Variants in DNAH5 observed in about 807,000 individuals in gnomAD.
DNAH5 encodes dynein axonemal heavy chain 5.
In DNAH5, 372 loss-of-function variants were observed where a neutral mutation model predicts 518.2. The ratio of observed to expected loss-of-function variants is 0.72; its 90% CI spans 0.66 to 0.78. The LOEUF (loss-of-function observed/expected upper bound fraction) is 0.78. Among genes scored for constraint, DNAH5 ranks in the 30% least tolerant of loss-of-function variants. The pLI, the probability that DNAH5 is intolerant of heterozygous loss-of-function variation, is 0.00. For synonymous variants in DNAH5, 2,039 were observed against 2,025.9 expected (o/e 1.01, Z -0.17); for missense variants, 5,523 against 5,687.0 (o/e 0.97, Z 0.93).
At chr5:14,010,176 A>G (rs1209270537) in intron 1 of DNAH5, among the ~76,000 whole-genome samples, 1 of 152,144 alleles carries the variant, frequency 6.6e-6, no homozygotes, top group Non-Finnish European at 1.5e-5. Context: ...AATGTTTTCT[A>G]GTAACACTTG....
intron 60 of DNAH5, among the ~76,000 whole-genome samples, chr5:13,760,138 A>G (rs1472573221): frequency 6.6e-6 from 1 of 152,240 alleles, no homozygotes; most frequent in Non-Finnish European, 1.5e-5. Flanking sequence ...CAAGCAACTT[A>G]CAACTTAAAG....
upstream of DNAH5, among the ~76,000 whole-genome samples, chr5:13,945,045 G>A (rs1258372110): frequency 1.3e-5 from 2 of 152,166 alleles, no homozygotes; most frequent in African/African-American, 4.8e-5. Flanking sequence ...TGACCCATAG[G>A]AGCCATTTTC....
At chr5:13,991,182 G>A (rs772366477) in intron 1 of DNAH5, among the ~76,000 whole-genome samples, 4 of 152,134 alleles carry the variant, frequency 2.6e-5, no homozygotes, top group Non-Finnish European at 5.9e-5. Flanking sequence ...ATTGTGAAAA[G>A]AGGGAAAGGG....
At chr5:13,828,942 A>T (rs1462382342) in intron 38 of DNAH5, among the ~76,000 whole-genome samples, 1 of 152,246 alleles carries the variant, frequency 6.6e-6, no homozygotes, top group African/African-American at 2.4e-5. Flanking sequence ...CGTTGTTACA[A>T]GACACAAAGT....
intron 76 of DNAH5, among the ~76,000 whole-genome samples, chr5:13,706,577 G>A (rs1325020901): frequency 6.6e-6 from 1 of 152,140 alleles, no homozygotes; most frequent in Non-Finnish European, 1.5e-5. Context: ...ACATGGGTGT[G>A]CATGCACATC....
intron 75 of DNAH5, among the ~76,000 whole-genome samples, chr5:13,712,094 T>C (rs544969861): frequency 2.0e-5 from 3 of 151,090 alleles, no homozygotes; most frequent in East Asian, 3.9e-4. Context: ...GGAGGCATCA[T>C]ACAACATGGT....
chr5:13,858,815 T>C (rs2151898384), intron 30 of DNAH5, among the ~76,000 whole-genome samples: 1 of 152,286 alleles, frequency 6.6e-6, no homozygotes, highest in Non-Finnish European at 1.5e-5. Context: ...AAAACTGAAA[T>C]ATATTGTTAA....
Position 13,807,723 on chromosome 5 carries a change from A to G in DNAH5, c.7755T>C (p.Ala2585=). 1.2e-6 allele frequency: 2 copies of G among 1,603,592 alleles called. No individual in the cohort carries two copies. The highest frequency in any genetic ancestry group is 1.7e-6 in the Non-Finnish European group (2 of 1,173,244). The change falls in exon 47 of 79, where the codon GCT becomes GCC. Residue 2585 remains alanine, a splice_region_variant and synonymous_variant. Transcript: ENST00000265104. ...TTCCTTGTTCACCAATTAATAGCACAGCCTAAAATAGAGGGAATTGAAAAA... is the reference window on the plus strand; with the variant it reads ...TTCCTTGTTCACCAATTAATAGCACGGCCTAAAATAGAGGGAATTGAAAAA... ...LIQTIAKQGK[A]VLLIGEQGTA...
intron 22 of DNAH5, among the ~76,000 whole-genome samples, chr5:13,875,828 T>G (rs1374009651): frequency 1.3e-5 from 2 of 152,186 alleles, no homozygotes; most frequent in African/African-American, 4.8e-5. Context: ...GCAAAAGATT[T>G]CCAGTTCCCT....
intron 1 of DNAH5, among the ~76,000 whole-genome samples, chr5:13,995,127 T>C (rs16903000): frequency 0.3 from 45,071 of 152,050 alleles, 7,087 homozygotes; most frequent in East Asian, 0.62. Context: ...TCGTTTCTCA[T>C]TTCATCTGTG....
upstream of DNAH5, among the ~76,000 whole-genome samples, chr5:13,947,248 A>G (rs1780001457): frequency 1.3e-5 from 2 of 152,212 alleles, no homozygotes; most frequent in South Asian, 4.1e-4. Context: ...CTTACATTCC[A>G]AAGTGTAAAA....
intron 5 of DNAH5, among the ~76,000 whole-genome samples, chr5:13,921,756 C>CCACA (rs1554104142): frequency 2.8e-5 from 4 of 145,278 alleles, no homozygotes; most frequent in South Asian, 2.3e-4. Flanking sequence ...ACACACCCCC[C>CCACA]CACACACACA....
intron 28 of DNAH5, among the ~76,000 whole-genome samples, chr5:13,863,584 A>C (rs1179468038): frequency 1.3e-5 from 2 of 151,554 alleles, no homozygotes; most frequent in Non-Finnish European, 2.9e-5. Context: ...TTCTCCTCAA[A>C]TATCCCTGAT....
chr5:13,851,518 C>A (rs795522), intron 30 of DNAH5, among the ~76,000 whole-genome samples: 9,373 of 152,032 alleles, frequency 0.062, 299 homozygotes, highest in African/African-American at 0.079. Flanking sequence ...TCATGTTGCC[C>A]AGGCTGGTCT....
chr5:13,861,856 T>A (rs1768462893), intron 29 of DNAH5, among the ~76,000 whole-genome samples: 1 of 147,468 alleles, frequency 6.8e-6, no homozygotes, highest in South Asian at 2.1e-4. Flanking sequence ...CTCAGGAAGC[T>A]GCGGCAGAAT....
intron 65 of DNAH5, among the ~76,000 whole-genome samples, chr5:13,739,833 G>A (rs1370211922): frequency 2.0e-5 from 3 of 152,030 alleles, no homozygotes; most frequent in Non-Finnish European, 4.4e-5. Flanking sequence ...TTATGCTTAC[G>A]AGAAACTTAT....
intron 21 of DNAH5, among the ~76,000 whole-genome samples, chr5:13,881,571 A>C (rs1488874748): frequency 2.6e-5 from 4 of 152,108 alleles, no homozygotes; most frequent in African/African-American, 9.7e-5. Context: ...CTTCTGAAAA[A>C]AACTTCTCAA....
intron 65 of DNAH5, among the ~76,000 whole-genome samples, chr5:13,747,380 T>C (rs1292823971): frequency 6.6e-6 from 1 of 152,222 alleles, no homozygotes; most frequent in Non-Finnish European, 1.5e-5. Context: ...GCAGCATGAT[T>C]TATAATCCTT....
chr5:13,942,140 C>T (rs866591605), intron 1 of DNAH5, among the ~76,000 whole-genome samples: 4 of 152,084 alleles, frequency 2.6e-5, no homozygotes, highest in Non-Finnish European at 5.9e-5. Flanking sequence ...AGAATAATTT[C>T]AAGTTTTTAA....
Sources: allele counts gnomAD v4.1 joint callset (sites outside exome capture counted in the v4.1 genomes callset), GRCh38; gene constraint gnomAD v4.1.1; transcripts MANE v1.5; gene names NCBI Gene and HGNC (gene_info 2026-07-23, HGNC 2026-07-21).